ZFP90: variants seen among roughly 807,000 people sequenced by gnomAD.
The protein encoded by ZFP90 is ZFP90 zinc finger protein, also known as zinc finger protein 90 homolog.
Under a neutral mutation model 60.8 loss-of-function variants are expected in ZFP90, and 38 were observed. That is an observed-to-expected ratio of 0.62 (90% confidence interval 0.48 to 0.82). The LOEUF is 0.82. ZFP90 is among the 40% of genes least tolerant of loss of function. The probability of loss-of-function intolerance (pLI) is 0.00; values close to 1 mark genes in which losing one functional copy is unlikely to be tolerated. For missense variants in ZFP90, 711 were observed against 759.1 expected (o/e 0.94, Z 0.74); for synonymous variants, 287 against 264.8 (o/e 1.08, Z -0.82).
At position 68,558,108 on chromosome 16, in the gene ZFP90, C is replaced by T. The variant is rs1330453783; in HGVS notation, c.144C>T (p.Ser48=). 6.2e-7 allele frequency: 1 copy of T among 1,613,774 alleles called. No individual in the cohort carries two copies. The highest frequency in any genetic ancestry group is 1.7e-5 in the Admixed American group (1 of 59,970). The change falls in exon 3 of 5, where the codon AGC becomes AGT. Residue 48 remains serine, a synonymous_variant. Coordinates refer to ENST00000563169, the MANE Select transcript of ZFP90 (RefSeq NM_001305203.2). ...GGGATGTGATGCTGGAGAACTATAG[C>T]CACCTGGTTTCTCTTGGTAAGGACC... The part of the protein sequence containing the change: ...LYRDVMLENY[S]HLVSLGYQVS...
intron 2 of ZFP90, among the ~76,000 whole-genome samples, chr16:68,575,158 G>A (rs1488457457): frequency 6.6e-6 from 1 of 152,188 alleles, no homozygotes; most frequent in Non-Finnish European, 1.5e-5. Context: ...CCCCACCTGG[G>A]CCTCCCTTGG....
intron 2 of ZFP90, among the ~76,000 whole-genome samples, chr16:68,541,229 G>A (rs2091043805): frequency 6.6e-6 from 1 of 151,958 alleles, no homozygotes; most frequent in African/African-American, 2.4e-5. Flanking sequence ...GTAGAGTCAG[G>A]GTTTTACCAT....
intron 2 of ZFP90, among the ~76,000 whole-genome samples, chr16:68,554,711 G>T (rs1200521929): frequency 6.6e-6 from 1 of 152,142 alleles, no homozygotes; most frequent in Non-Finnish European, 1.5e-5. Flanking sequence ...CAGCACTTTA[G>T]GAGGCCGAGG....
chr16:68,541,340 A>C (rs534753335), intron 2 of ZFP90, among the ~76,000 whole-genome samples: 12 of 150,912 alleles, frequency 8.0e-5, no homozygotes, highest in Non-Finnish European at 1.5e-4. Context: ...GCCTGGCCTA[A>C]TTTTTGTTTT....
intron 2 of ZFP90, chr16:68,557,243 G>A (rs1330596009): frequency 8.8e-6 from 4 of 455,798 alleles, no homozygotes; most frequent in African/African-American, 2.0e-5. Context: ...GAAGTGAACC[G>A]GCTCAAGCGT....
chr16:68,540,852 C>T (rs1361793013), intron 2 of ZFP90, among the ~76,000 whole-genome samples: 1 of 143,588 alleles, frequency 7.0e-6, no homozygotes, highest in Non-Finnish European at 1.5e-5. Flanking sequence ...AAAACACCAA[C>T]TTAGTAATGT....
intron 2 of ZFP90, among the ~76,000 whole-genome samples, chr16:68,554,860 CT>C (rs1467507334): frequency 6.6e-6 from 1 of 152,156 alleles, no homozygotes; most frequent in East Asian, 1.9e-4. Context: ...CAAAGGAGTC[CT>C]GGTTGGGCAA....
At position 68,563,510 on chromosome 16, in the gene ZFP90, T is replaced by C. The variant is rs375252738; in HGVS notation, c.723T>C (p.Asn241=). ...KTHKGEGAFP[N]GTDQGIYPGK... is the part of the protein sequence containing the mutation. Reference sequence around the variant, plus strand: ...ATAAAGGAGAGGGAGCTTTCCCTAATGGAACAGATCAAGGAATTTATCCTG... The same window carrying C: ...ATAAAGGAGAGGGAGCTTTCCCTAACGGAACAGATCAAGGAATTTATCCTG... Residue 241 remains asparagine (N), a synonymous_variant, in exon 5 of 5, where the codon AAT becomes AAC. Coordinates refer to ENST00000563169, the MANE Select transcript of ZFP90 (RefSeq NM_001305203.2). 71 of 1,614,098 alleles carry C rather than the reference T, an allele frequency of 4.4e-5. No homozygotes were observed. The highest frequency in any genetic ancestry group is 5.3e-5 in the Non-Finnish European group (63 of 1,180,038).
downstream of ZFP90, among the ~76,000 whole-genome samples, chr16:68,571,194 T>G (rs2091566183): frequency 6.6e-6 from 1 of 152,124 alleles, no homozygotes; most frequent in African/African-American, 2.4e-5. Flanking sequence ...AAGGGTTGTT[T>G]TGAGGGAAGG....
intron 2 of ZFP90, among the ~76,000 whole-genome samples, chr16:68,534,233 CTTT>C (rs869142804): frequency 7.1e-6 from 1 of 141,474 alleles, no homozygotes; most frequent in Admixed American, 7.1e-5. Context: ...TTCTTTCTTT[CTTT>C]TTTTTTTTTT....
At chr16:68,549,380 A>C (rs2091212923) in intron 2 of ZFP90, among the ~76,000 whole-genome samples, 1 of 152,074 alleles carries the variant, frequency 6.6e-6, no homozygotes, top group Admixed American at 6.6e-5. Context: ...AATGAAAAGG[A>C]GTTTAAGAAA....
chr16:68,565,147 T>C lies in ZFP90; in HGVS notation c.*449T>C. On this transcript the variant is annotated 3_prime_UTR_variant, in exon 5 of 5. Coordinates refer to ENST00000563169, the MANE Select transcript of ZFP90 (RefSeq NM_001305203.2). ...GGAAACCAGTTCCAACTCCAGGAAG[T>C]CACCATTCAAAGAATTAGATCAACT... The C allele has an allele frequency of 1.0e-6, 1 of 992,586 alleles. No individual in the cohort carries two copies. The allele number at this position is 992,586 out of a possible 1,614,324, so 61.5% of individuals were successfully genotyped here.
chr16:68,573,595 G>A (rs2091578749), intron 2 of ZFP90, among the ~76,000 whole-genome samples: 1 of 152,210 alleles, frequency 6.6e-6, no homozygotes, highest in Admixed American at 6.5e-5. Context: ...GACAGTGTTG[G>A]GGAGTGGGAA....
At chr16:68,558,699 C>A in intron 4 of ZFP90, 131 bp downstream of exon 4, 1 of 727,516 alleles carries the variant, frequency 1.4e-6, no homozygotes, top group Non-Finnish European at 2.3e-6. Flanking sequence ...ATCGCCTGGC[C>A]GACACCTTGT....
At chr16:68,540,911 CTTTTTT>C (rs34827177) in intron 2 of ZFP90, among the ~76,000 whole-genome samples, 114 of 125,728 alleles carry the variant, frequency 9.1e-4, no homozygotes, top group African/African-American at 3.1e-3. Flanking sequence ...TACATCATGC[CTTTTTT>C]TTTTTTTTTT....
At chr16:68,562,042 TATCA>T (rs989289911) in intron 4 of ZFP90, 1 of 152,252 alleles carries the variant, frequency 6.6e-6, no homozygotes, top group Non-Finnish European at 1.5e-5. Context: ...TTTAGCCATC[TATCA>T]ATCCATCTTA....
chr16:68,543,835 AG>A (rs2091096514), intron 2 of ZFP90, among the ~76,000 whole-genome samples: 1 of 147,738 alleles, frequency 6.8e-6, no homozygotes, highest in South Asian at 2.1e-4. Flanking sequence ...CTGGGATTAT[AG>A]GCGTGAGCCA....
At chr16:68,547,574 A>G (rs11075683) in intron 2 of ZFP90, among the ~76,000 whole-genome samples, 28,167 of 151,936 alleles carry the variant, frequency 0.19, 2,957 homozygotes, top group African/African-American at 0.28. Context: ...TTTTCTCCTT[A>G]TGCATATTTT....
At chr16:68,554,196 A>G (rs1445614032) in intron 2 of ZFP90, among the ~76,000 whole-genome samples, 1 of 149,448 alleles carries the variant, frequency 6.7e-6, no homozygotes, top group African/African-American at 2.5e-5. Flanking sequence ...GTCTCGGCTC[A>G]TTGCAGTTTC....
Sources: allele counts gnomAD v4.1 joint callset (sites outside exome capture counted in the v4.1 genomes callset), GRCh38; gene constraint gnomAD v4.1.1; transcripts MANE v1.5; gene names NCBI Gene and HGNC (gene_info 2026-07-23, HGNC 2026-07-21).